Variants in PLCB1 observed in about 807,000 individuals in gnomAD.
PLCB1 encodes the protein phospholipase C beta 1, also known as 1-phosphatidylinositol 4,5-bisphosphate phosphodiesterase beta-1.
Under a neutral mutation model 161.8 loss-of-function variants are expected in PLCB1, and 46 were observed. The ratio of observed to expected loss-of-function variants is 0.28; its 90% confidence interval spans 0.22 to 0.36. The LOEUF is 0.36. Among genes scored for constraint, PLCB1 ranks in the 10% least tolerant of loss-of-function variants. PLCB1 has a pLI of 1.00. For synonymous variants in PLCB1, 517 were observed against 503.7 expected, an observed-to-expected ratio of 1.03 and a Z score of -0.35; for missense variants, 1,016 against 1,472.5, an observed-to-expected ratio of 0.69 and a Z score of 5.07.
intron 2 of PLCB1, among the ~76,000 whole-genome samples, chr20:8,273,614 T>A (rs965618206): frequency 1.3e-5 from 2 of 152,160 alleles, no homozygotes; most frequent in Non-Finnish European, 2.9e-5. Flanking sequence ...TGAACTGATA[T>A]AAAGAACTGC....
intron 3 of PLCB1, among the ~76,000 whole-genome samples, chr20:8,476,902 C>T (rs1185283488): frequency 2.0e-5 from 3 of 152,122 alleles, no homozygotes; most frequent in Admixed American, 2.0e-4. Flanking sequence ...ATCATATAGG[C>T]CATTGATCAA....
intron 3 of PLCB1, among the ~76,000 whole-genome samples, chr20:8,379,452 T>G (rs891282418): frequency 6.6e-6 from 1 of 152,202 alleles, no homozygotes; most frequent in East Asian, 1.9e-4. Flanking sequence ...CTTATATTCC[T>G]CTGGCTGTAT....
chr20:8,230,396 T>G lies in PLCB1; in HGVS notation c.177+80025T>G, dbSNP rs77783016. On this transcript the variant is annotated intron_variant, in intron 2 of 31. Transcript: ENST00000338037. ...CATAACCTTCAACATTTATCATTTT[T>G]TGTGTGTGTGTTGGAAACATTTCAA... is the stretch of plus-strand genomic sequence containing the variant. Among the ~76,000 whole-genome samples, 112 of 152,286 alleles carry G rather than the reference T, an allele frequency of 7.4e-4. 2 individuals are homozygous for G. In the East Asian group the frequency reaches 0.02, roughly 28 times the overall value.
At chr20:8,765,030 C>A in intron 25 of PLCB1, 109 bp from the exon 26 acceptor site, 1 of 826,574 alleles carries the variant, frequency 1.2e-6, no homozygotes, top group Admixed American at 2.8e-5. Flanking sequence ...TGCTCTTAAA[C>A]TCTAGCTGGG....
chr20:8,676,041 A>G (rs2123374409), intron 9 of PLCB1, among the ~76,000 whole-genome samples: 1 of 152,324 alleles, frequency 6.6e-6, no homozygotes, highest in African/African-American at 2.4e-5. Context: ...AGTCAGGAAA[A>G]CAGAGAGTGT....
intron 2 of PLCB1, among the ~76,000 whole-genome samples, chr20:8,215,989 G>A (rs6118119): frequency 0.012 from 1,862 of 151,936 alleles, 42 homozygotes; most frequent in African/African-American, 0.042. Flanking sequence ...TCAGTTTTGC[G>A]CTTTCTTTCT....
intron 3 of PLCB1, among the ~76,000 whole-genome samples, chr20:8,391,791 AT>A (rs1987602980): frequency 3.9e-5 from 3 of 77,114 alleles, no homozygotes; most frequent in Admixed American, 1.3e-4. Context: ...GTGTGTATAT[AT>A]ATATATATAT....
At chr20:8,799,071 A>G (rs1175574998) in intron 31 of PLCB1, among the ~76,000 whole-genome samples, 1 of 152,198 alleles carries the variant, frequency 6.6e-6, no homozygotes, top group Non-Finnish European at 1.5e-5. Flanking sequence ...TGAGATTTAA[A>G]CAAAAATTAA....
chr20:8,733,009 T>C (rs1980355284), intron 18 of PLCB1, among the ~76,000 whole-genome samples: 1 of 151,716 alleles, frequency 6.6e-6, no homozygotes, highest in Non-Finnish European at 1.5e-5. Context: ...AACAATATAT[T>C]TGAAGTGGAA....
intron 3 of PLCB1, among the ~76,000 whole-genome samples, chr20:8,457,712 GCGCACA>G (rs1182548037): frequency 1.4e-4 from 10 of 70,676 alleles, no homozygotes; most frequent in African/African-American, 6.9e-4. Flanking sequence ...TAATGTGTGC[GCGCACA>G]CACACACACA....
chr20:8,510,006 C>T (rs1372790859), intron 3 of PLCB1, among the ~76,000 whole-genome samples: 3 of 152,030 alleles, frequency 2.0e-5, no homozygotes, highest in Non-Finnish European at 2.9e-5. Flanking sequence ...TATTATTCAC[C>T]ATTATTTCTG....
chr20:8,747,373 CAG>C (rs1386206265), intron 23 of PLCB1, among the ~76,000 whole-genome samples: 1 of 152,196 alleles, frequency 6.6e-6, no homozygotes, highest in Non-Finnish European at 1.5e-5. Flanking sequence ...TCCTCTAAGA[CAG>C]AGTACCTGAA....
rs540266350 is a variant in PLCB1, at chr20:8,667,037, G to A, written c.862+8333G>A. Among the ~76,000 whole-genome samples the A allele has an allele frequency of 2.0e-5, 3 of 152,202 alleles. No individual in the cohort carries two copies. In the East Asian group the frequency reaches 5.8e-4, roughly 29 times the overall value. ...AAAGATCTGCCTCACAATTAAGGTG[G>A]CATCCATTTAAGTCATTTTATATAG... On this transcript the variant is annotated intron_variant, in intron 9 of 31. Coordinates refer to ENST00000338037, the MANE Select transcript of PLCB1 (RefSeq NM_015192.4).
chr20:8,371,185 T>A (rs553334990), intron 2 of PLCB1, 197 bp from the exon 3 acceptor site: 1 of 539,594 alleles, frequency 1.9e-6, no homozygotes, highest in African/African-American at 1.9e-5. Flanking sequence ...AATGTATAAC[T>A]GAGCAGTTAG....
rs976515905 is a variant in PLCB1 at position 8,603,094 on chromosome 20, G to A, written c.247-25200G>A. On this transcript the variant is annotated intron_variant, in intron 3 of 31. Coordinates refer to ENST00000338037, the MANE Select transcript of PLCB1 (RefSeq NM_015192.4). The stretch of plus-strand genomic sequence containing the variant: ...GAAACACAGAAAATGAAAGGTCTAC[G>A]GTGTATGACAAACAGGACAAATGCT... Among the ~76,000 whole-genome samples the A allele has an allele frequency of 3.8e-4, 58 of 152,028 alleles. 1 individual carries two copies. Among genetic ancestry groups the A allele is most frequent in the African/African-American group, 1.4e-3 (57 of 41,378 alleles).
chr20:8,424,006 A>G (rs1979643023), intron 3 of PLCB1, among the ~76,000 whole-genome samples: 1 of 152,194 alleles, frequency 6.6e-6, no homozygotes, highest in Admixed American at 6.5e-5. Flanking sequence ...TGTTTTACCA[A>G]GACTGCCCTC....
At chr20:8,137,101 C>T (rs138799500) in intron 1 of PLCB1, among the ~76,000 whole-genome samples, 1 of 152,292 alleles carries the variant, frequency 6.6e-6, no homozygotes, top group East Asian at 1.9e-4. Flanking sequence ...AAGTAACTCC[C>T]TCCTTTACCA....
At chr20:8,827,971 C>T (rs62195048) in intron 31 of PLCB1, among the ~76,000 whole-genome samples, 43,945 of 152,066 alleles carry the variant, frequency 0.29, 6,515 homozygotes, top group Middle Eastern at 0.41. Context: ...ATATGTACTC[C>T]CTGGCTCTTT....
At chr20:8,187,866 T>G (rs1219185179) in intron 2 of PLCB1, among the ~76,000 whole-genome samples, 1 of 152,066 alleles carries the variant, frequency 6.6e-6, no homozygotes, top group African/African-American at 2.4e-5. Context: ...GGTGGTGGTG[T>G]TATGTGTGAC....
Sources: gnomAD v4.1 joint callset for allele counts (sites outside exome capture counted in the v4.1 genomes callset) on GRCh38, gnomAD v4.1.1 for gene constraint, MANE v1.5 for transcripts, NCBI Gene and HGNC (gene_info 2026-07-23, HGNC 2026-07-21) for gene names.